QSER1: variants seen among roughly 807,000 people sequenced by gnomAD.
QSER1 encodes the protein glutamine and serine rich 1.
In QSER1, 49 loss-of-function variants were observed where a neutral mutation model predicts 158.5. That is an observed-to-expected ratio of 0.31 (90% CI 0.25 to 0.39). The LOEUF (loss-of-function observed/expected upper bound fraction) is 0.39, where lower values mean the gene tolerates loss of function less well. Among genes scored for constraint, QSER1 ranks in the 10% least tolerant of loss-of-function variants. The probability of loss-of-function intolerance (pLI) is 1.00; values close to 1 mark genes in which losing one functional copy is unlikely to be tolerated. For missense variants in QSER1, 1,754 were observed against 2,010.3 expected, an observed-to-expected ratio of 0.87 and a Z score of 2.44; for synonymous variants, 650 against 715.5, an observed-to-expected ratio of 0.91 and a Z score of 1.46.
chr11:32,894,053 C>CT (rs1851522836), intron 1 of QSER1, among the ~76,000 whole-genome samples: 1 of 142,600 alleles, frequency 7.0e-6, no homozygotes, highest in Non-Finnish European at 1.5e-5. Context: ...CTCGGGGTGA[C>CT]TGAGAGTTGG....
chr11:32,954,254 A>G (rs949450047), intron 5 of QSER1, 75 bp downstream of exon 5: 91 of 1,495,398 alleles, frequency 6.1e-5, no homozygotes, highest in Non-Finnish European at 8.0e-5. Context: ...TATGACTTCA[A>G]TAGCATGCAT....
chr11:32,894,012 G>A (rs576953073), intron 1 of QSER1, among the ~76,000 whole-genome samples: 1 of 148,498 alleles, frequency 6.7e-6, no homozygotes, highest in Admixed American at 6.7e-5. Context: ...ACAACAGCAG[G>A]AAGTAAGGAA....
intron 10 of QSER1, among the ~76,000 whole-genome samples, chr11:32,971,652 CG>C (rs1216649542): frequency 1.3e-5 from 2 of 152,170 alleles, no homozygotes; most frequent in African/African-American, 4.8e-5. Flanking sequence ...GAAGCTCGAA[CG>C]TGATGGTAGC....
chr11:32,947,096 G>GGT (rs1316121452), intron 4 of QSER1, among the ~76,000 whole-genome samples: 2 of 149,506 alleles, frequency 1.3e-5, no homozygotes, highest in East Asian at 3.9e-4. Flanking sequence ...GCTCGCGCAC[G>GGT]GTGCGTGCAC....
rs562460342 is a variant in QSER1 at position 32,921,301 on chromosome 11, A to G, written c.210-5856A>G. ...TGAGTTATTTTGAATAGGCAAATCC[A>G]TAGAGACAGAAGGTAGATCAGTGAT... is the stretch of plus-strand genomic sequence containing the variant. On this transcript the variant is annotated intron_variant, in intron 1 of 12. Coordinates refer to ENST00000650167, the MANE Select transcript of QSER1 (RefSeq NM_001076786.3). Among the ~76,000 whole-genome samples, 12 of 152,334 alleles carry G rather than the reference A, an allele frequency of 7.9e-5. 1 individual carries two copies. Among genetic ancestry groups the G allele is most frequent in the Admixed American group, 2.0e-4 (3 of 15,304 alleles).
At chr11:32,906,283 G>A (rs1317084594) in intron 1 of QSER1, among the ~76,000 whole-genome samples, 1 of 151,904 alleles carries the variant, frequency 6.6e-6, no homozygotes, top group African/African-American at 2.4e-5. Flanking sequence ...TTAGCCAGGT[G>A]TGGTGGTGCA....
chr11:32,944,463 G>A (rs1248513268), intron 4 of QSER1, among the ~76,000 whole-genome samples: 2 of 151,804 alleles, frequency 1.3e-5, no homozygotes, highest in Non-Finnish European at 1.5e-5. Flanking sequence ...TTCAAAGAAC[G>A]TCTTTATTTC....
At chr11:32,900,241 T>TA (rs2133489082) in intron 1 of QSER1, among the ~76,000 whole-genome samples, 2 of 152,324 alleles carry the variant, frequency 1.3e-5, no homozygotes, top group African/African-American at 4.8e-5. Context: ...TTACCCTGCT[T>TA]AGAACCTTCC....
At position 32,893,921 on chromosome 11, in the gene QSER1, A is replaced by G. The variant is rs1217730385; in HGVS notation, c.209+587A>G. Among the ~76,000 whole-genome samples, 5 of 152,102 alleles carry G rather than the reference A, an allele frequency of 3.3e-5. No homozygotes were observed. The highest frequency in any genetic ancestry group is 5.9e-5 in the Non-Finnish European group (4 of 68,030). On this transcript the variant is annotated intron_variant, in intron 1 of 12. Coordinates refer to ENST00000650167, the MANE Select transcript of QSER1 (RefSeq NM_001076786.3). The surrounding 1 kb of genome is among the most constrained non-coding windows in gnomAD (Gnocchi z 4.7). ...GAACGCGGCTCCAGGGCCGGGTGACATATGTTTGCGCTGGTGGCCAAGATT... is the reference window on the plus strand; with the variant it reads ...GAACGCGGCTCCAGGGCCGGGTGACGTATGTTTGCGCTGGTGGCCAAGATT...
chr11:32,979,044 GT>G lies in QSER1; in HGVS notation c.*2571del, dbSNP rs1853027870. ...ACAGCATGTTACTGTACTGAATACT[GT>G]AGGCAGTTGTAACACAATGGTATTT... On this transcript the variant is annotated 3_prime_UTR_variant, in exon 13 of 13. Transcript: ENST00000650167. The G allele has an allele frequency of 6.6e-6, 1 of 152,246 alleles. No homozygotes were observed. The highest frequency in any genetic ancestry group is 2.4e-5 in the African/African-American group (1 of 41,452). 9.4% of individuals were successfully genotyped at this position (152,246 alleles called of 1,614,324 possible).
intron 1 of QSER1, among the ~76,000 whole-genome samples, chr11:32,900,558 TA>T (rs911621312): frequency 5.5e-4 from 79 of 144,456 alleles, no homozygotes; most frequent in African/African-American, 5.3e-4. Flanking sequence ...GACTCCATCT[TA>T]AAAAAAAAAA....
chr11:32,975,209 C>T (rs1483625190), intron 11 of QSER1, 39 bp from the exon 12 acceptor site: 1 of 1,413,618 alleles, frequency 7.1e-7, no homozygotes, highest in South Asian at 1.4e-5. Context: ...AGCTCAGATA[C>T]TCCATGAAAT....
At chr11:32,911,671 A>G (rs1851768674) in intron 1 of QSER1, among the ~76,000 whole-genome samples, 1 of 152,136 alleles carries the variant, frequency 6.6e-6, no homozygotes, top group Non-Finnish European at 1.5e-5. Context: ...TTTCCCTTGC[A>G]CTTGCTGTCT....
At chr11:32,951,649 T>C (rs918054561) in intron 4 of QSER1, among the ~76,000 whole-genome samples, 1 of 152,194 alleles carries the variant, frequency 6.6e-6, no homozygotes, top group Non-Finnish European at 1.5e-5. Flanking sequence ...TGCAGTTCTT[T>C]TGTTAAATTT....
intron 1 of QSER1, among the ~76,000 whole-genome samples, chr11:32,908,839 A>G (rs1851727650): frequency 6.6e-6 from 1 of 152,182 alleles, no homozygotes; most frequent in Non-Finnish European, 1.5e-5. Flanking sequence ...TCTCCCCTAA[A>G]GTGGTTGTAC....
intron 1 of QSER1, among the ~76,000 whole-genome samples, chr11:32,913,723 G>GTA (rs1306176996): frequency 2.6e-5 from 4 of 152,152 alleles, no homozygotes; most frequent in African/African-American, 9.7e-5. Flanking sequence ...GCTGCTGACC[G>GTA]TATGTGCTTT....
intron 1 of QSER1, among the ~76,000 whole-genome samples, chr11:32,921,274 T>G (rs1017046445): frequency 8.5e-5 from 13 of 152,234 alleles, no homozygotes; most frequent in Non-Finnish European, 1.6e-4. Flanking sequence ...ATTCAGTTTT[T>G]ATGAGTTATT....
Position 32,932,837 on chromosome 11 carries a change from C to G in QSER1, c.1579C>G (p.Gln527Glu). ...TCAGACGCTTAATTATTCATCTAAT[C>G]AGCAAGAGGTATTGTCTTCAGTTAC... Reference protein sequence around the residue: ...ENQTLNYSSNQQEVLSSVTNE... With the variant: ...ENQTLNYSSNEQEVLSSVTNE... Residue 527 changes from glutamine (Q) to glutamate (E), a missense_variant, in exon 4 of 13, where the codon CAG (glutamine) becomes GAG (glutamate). By Grantham distance (29) the Gln-to-Glu change is conservative. Transcript: ENST00000650167. 1 of 1,613,978 alleles carries G rather than the reference C, an allele frequency of 6.2e-7. No homozygotes were observed.
intron 1 of QSER1, among the ~76,000 whole-genome samples, chr11:32,923,792 A>G (rs1024774220): frequency 1.3e-5 from 2 of 151,538 alleles, no homozygotes; most frequent in African/African-American, 2.4e-5. Flanking sequence ...ACATGGTGAA[A>G]CCCCATCTCT....
Sources: allele counts gnomAD v4.1 joint callset (sites outside exome capture counted in the v4.1 genomes callset), GRCh38; gene constraint gnomAD v4.1.1; non-coding constraint Gnocchi (gnomAD v3.1); transcripts MANE v1.5; gene names NCBI Gene and HGNC (gene_info 2026-07-23, HGNC 2026-07-21).